RAB18: variants seen among roughly 807,000 people sequenced by gnomAD.
RAB18 encodes RAB18, member RAS oncogene family, also known as ras-related protein Rab-18.
Under a neutral mutation model 28.5 loss-of-function variants are expected in RAB18, and 10 were observed. That is an observed-to-expected ratio of 0.35 (90% confidence interval 0.22 to 0.60). The LOEUF is 0.60. Ranked by LOEUF, RAB18 falls within the 20% of genes least tolerant of loss-of-function variation. The pLI is 0.78. For missense variants in RAB18, 188 were observed against 244.2 expected, an observed-to-expected ratio of 0.77 and a Z score of 1.53; for synonymous variants, 93 against 86.9, an observed-to-expected ratio of 1.07 and a Z score of -0.39.
chr10:27,522,083 G>T (rs573404075), intron 2 of RAB18, among the ~76,000 whole-genome samples: 1 of 152,064 alleles, frequency 6.6e-6, no homozygotes, highest in Non-Finnish European at 1.5e-5. Flanking sequence ...AAAAAAAGAC[G>T]TTTTGGAATT....
At chr10:27,513,326 C>T (rs1286541357) in intron 2 of RAB18, among the ~76,000 whole-genome samples, 12 of 152,036 alleles carry the variant, frequency 7.9e-5, no homozygotes, top group South Asian at 2.1e-4. Flanking sequence ...TGAGCCACCA[C>T]GCCCAGCCCA....
At chr10:27,509,993 A>G in intron 2 of RAB18, 63 bp downstream of exon 2, 1 of 1,323,326 alleles carries the variant, frequency 7.6e-7, no homozygotes, top group Non-Finnish European at 1.1e-6. Flanking sequence ...GGCCTTTTTA[A>G]TCTAAATCCT....
intron 2 of RAB18, among the ~76,000 whole-genome samples, chr10:27,523,610 C>CGTT (rs1834611407): frequency 6.8e-6 from 1 of 146,670 alleles, no homozygotes. Context: ...GCCATTTTTA[C>CGTT]CTTTTTTTTT....
chr10:27,507,096 G>A (rs1394841882), intron 1 of RAB18, among the ~76,000 whole-genome samples: 2 of 152,044 alleles, frequency 1.3e-5, no homozygotes, highest in African/African-American at 4.8e-5. Flanking sequence ...AAGTGAATTA[G>A]TACAAAAACA....
intron 1 of RAB18, chr10:27,505,081 T>C (rs527269561): frequency 3.8e-6 from 2 of 532,670 alleles, no homozygotes; most frequent in African/African-American, 1.9e-5. Flanking sequence ...AAAATGTAAT[T>C]GTTATTTCTC....
intron 3 of RAB18, chr10:27,531,597 G>A: frequency 9.7e-7 from 1 of 1,033,404 alleles, no homozygotes; most frequent in Non-Finnish European, 1.5e-6. Flanking sequence ...CAATCCTGAA[G>A]TGGGCCATGT....
At chr10:27,520,759 A>G (rs1048276269) in intron 2 of RAB18, among the ~76,000 whole-genome samples, 1 of 151,852 alleles carries the variant, frequency 6.6e-6, no homozygotes, top group African/African-American at 2.4e-5. Context: ...TCTACTAAAA[A>G]TACAAAAATT....
rs77758705 is a variant in RAB18, at chr10:27,538,608, G to A, written c.*557G>A. 1.7e-3 allele frequency: 774 copies of A among 454,378 alleles called. 6 individuals are homozygous for A. Among genetic ancestry groups the A allele is most frequent in the African/African-American group, 0.014 (688 of 50,106 alleles). The allele number at this position is 454,378 out of a possible 1,614,324, so 28.1% of individuals were successfully genotyped here. A position where few individuals can be genotyped will look rare whatever the true frequency, so the allele number is the denominator to read the frequency against. On this transcript the variant is annotated 3_prime_UTR_variant, in exon 7 of 7. Transcript: ENST00000356940. ...CCAATTTATAACTAAATCTCTATTTGTTCGGATGATGCTTCTAAAACAGCA... is the reference window on the plus strand; with the variant it reads ...CCAATTTATAACTAAATCTCTATTTATTCGGATGATGCTTCTAAAACAGCA...
chr10:27,508,397 GTAT>G (rs1286475975), intron 1 of RAB18, among the ~76,000 whole-genome samples: 3 of 151,032 alleles, frequency 2.0e-5, no homozygotes, highest in Admixed American at 6.6e-5. Context: ...CATCATTATT[GTAT>G]TATTATTATG....
rs1188056176 is a variant in RAB18 at position 27,540,075 on chromosome 10, A to T, written c.*2024A>T. 2.2e-6 allele frequency: 1 copy of T among 453,954 alleles called. No homozygotes were observed. The highest frequency in any genetic ancestry group is 4.4e-6 in the Non-Finnish European group (1 of 226,750). The allele number at this position is 453,954 out of a possible 1,614,324, so 28.1% of individuals were successfully genotyped here. A position where few individuals can be genotyped will look rare whatever the true frequency, so the allele number is the denominator to read the frequency against. Reference sequence around the variant, plus strand: ...TTAAAGGGTCTTTTGCAGATGGTACAAATTAGAACAATTAGAATATAGTAT... The same window carrying T: ...TTAAAGGGTCTTTTGCAGATGGTACTAATTAGAACAATTAGAATATAGTAT... On this transcript the variant is annotated 3_prime_UTR_variant, in exon 7 of 7. Coordinates refer to ENST00000356940, the MANE Select transcript of RAB18 (RefSeq NM_021252.5).
chr10:27,523,246 T>G (rs1589575549), intron 2 of RAB18, among the ~76,000 whole-genome samples: 1 of 148,516 alleles, frequency 6.7e-6, no homozygotes, highest in African/African-American at 2.5e-5. Flanking sequence ...CATTATGATG[T>G]CTCCGAGTTT....
At chr10:27,531,098 T>G (rs1472281023) in intron 3 of RAB18, among the ~76,000 whole-genome samples, 1 of 152,066 alleles carries the variant, frequency 6.6e-6, no homozygotes, top group Non-Finnish European at 1.5e-5. Context: ...AAGAGAAAAA[T>G]TATTTATTTT....
At chr10:27,506,132 T>A (rs1036522980) in intron 1 of RAB18, among the ~76,000 whole-genome samples, 2 of 152,184 alleles carry the variant, frequency 1.3e-5, no homozygotes, top group Non-Finnish European at 2.9e-5. Context: ...TGAGATATCG[T>A]TCTCATTTAA....
rs1388819794 is a variant in RAB18, at chr10:27,540,109, C to G, written c.*2058C>G. 2 of 453,812 alleles carry G rather than the reference C, an allele frequency of 4.4e-6. No homozygotes were observed. The highest frequency in any genetic ancestry group is 1.4e-4 in the East Asian group (2 of 14,400). The allele number at this position is 453,812 out of a possible 1,614,324, so 28.1% of individuals were successfully genotyped here. On this transcript the variant is annotated 3_prime_UTR_variant, in exon 7 of 7. Transcript: ENST00000356940. ...CAATTAGAATATAGTATTTTGAGTT[C>G]TAGTAGTACTGAGATTGACCCAAAC...
At chr10:27,519,284 A>C (rs1156549979) in intron 2 of RAB18, among the ~76,000 whole-genome samples, 1 of 152,122 alleles carries the variant, frequency 6.6e-6, no homozygotes, top group Non-Finnish European at 1.5e-5. Context: ...TAGACTGTGA[A>C]TAGAAACCTG....
chr10:27,526,622 A>C (rs1330252562), intron 2 of RAB18, among the ~76,000 whole-genome samples: 2 of 152,206 alleles, frequency 1.3e-5, no homozygotes, highest in Non-Finnish European at 2.9e-5. Context: ...TGAATTCTAC[A>C]AGCATTTGAT....
intron 2 of RAB18, among the ~76,000 whole-genome samples, chr10:27,511,660 G>A (rs1415512614): frequency 6.6e-6 from 1 of 152,102 alleles, no homozygotes; most frequent in Non-Finnish European, 1.5e-5. Flanking sequence ...ATGCAGTTTT[G>A]GCAGCAATTC....
At position 27,538,940 on chromosome 10, in the gene RAB18, C is replaced by T. The variant is rs772263848; in HGVS notation, c.*889C>T. ...AATGTTGATGAATATCTGTATCTTA[C>T]GGCTTCCATAATGGCTAGTTGATAT... On this transcript the variant is annotated 3_prime_UTR_variant, in exon 7 of 7. Coordinates refer to ENST00000356940, the MANE Select transcript of RAB18 (RefSeq NM_021252.5). The T allele has an allele frequency of 2.0e-5, 9 of 452,074 alleles. No individual in the cohort carries two copies. Among genetic ancestry groups the T allele is most frequent in the Non-Finnish European group, 3.1e-5 (7 of 225,514 alleles). The allele number at this position is 452,074 out of a possible 1,614,324, so 28.0% of individuals were successfully genotyped here. A position where few individuals can be genotyped will look rare whatever the true frequency, so the allele number is the denominator to read the frequency against.
At chr10:27,510,233 A>G (rs899849858) in intron 2 of RAB18, 17 of 397,166 alleles carry the variant, frequency 4.3e-5, no homozygotes, top group Middle Eastern at 1.1e-3. Flanking sequence ...GTAATATACA[A>G]CAGTTATTTG....
Sources: allele counts gnomAD v4.1 joint callset (sites outside exome capture counted in the v4.1 genomes callset), GRCh38; gene constraint gnomAD v4.1.1; transcripts MANE v1.5; gene names NCBI Gene and HGNC (gene_info 2026-07-23, HGNC 2026-07-21).